Variants in FBXL2 observed in about 807,000 individuals in gnomAD.
FBXL2 encodes F-box/LRR-repeat protein 2.
In FBXL2, 38 loss-of-function variants were observed where a neutral mutation model predicts 69.2. That is an observed-to-expected ratio of 0.55 (90% CI 0.42 to 0.72). The LOEUF is 0.72. FBXL2 is among the 30% of genes least tolerant of loss of function. The pLI, the probability that FBXL2 is intolerant of heterozygous loss-of-function variation, is 0.00. For missense variants in FBXL2, 354 were observed against 520.3 expected (o/e 0.68, Z 3.11); for synonymous variants, 192 against 201.3 (o/e 0.95, Z 0.39).
At chr3:33,348,469 A>G (rs1444332604) in intron 2 of FBXL2, among the ~76,000 whole-genome samples, 1 of 152,174 alleles carries the variant, frequency 6.6e-6, no homozygotes, top group Non-Finnish European at 1.5e-5. Context: ...CTTTTTGCTC[A>G]GGATAGCTTT....
intron 2 of FBXL2, among the ~76,000 whole-genome samples, chr3:33,340,895 C>CCA (rs1491574428): frequency 1.3e-4 from 11 of 86,572 alleles, no homozygotes; most frequent in Admixed American, 6.9e-4. Context: ...TTCCTTTGCC[C>CCA]AAAAAAAAAA....
At chr3:33,361,092 C>T (rs1185193734) in intron 4 of FBXL2, among the ~76,000 whole-genome samples, 14 of 141,820 alleles carry the variant, frequency 9.9e-5, no homozygotes, top group Non-Finnish European at 2.0e-4. Context: ...CCACCACGCC[C>T]GGCTAATTTT....
chr3:33,315,700 T>C (rs535947521), intron 2 of FBXL2, among the ~76,000 whole-genome samples: 102 of 152,302 alleles, frequency 6.7e-4, no homozygotes, highest in African/African-American at 2.2e-3. Context: ...AATTCTGATT[T>C]ACACTGTTCT....
intron 12 of FBXL2, chr3:33,401,123 G>GC: frequency 2.0e-6 from 2 of 997,496 alleles, no homozygotes; most frequent in Non-Finnish European, 2.9e-6. Context: ...TTCAAGTAAG[G>GC]CAACAGTGGG....
At position 33,385,504 on chromosome 3, in the gene FBXL2, C is replaced by T; in HGVS notation, c.1168C>T (p.Gln390Ter). Residue 390 changes from glutamine (Q) to a stop codon, truncating the protein, a stop_gained, in exon 15 of 15, where the codon CAG becomes TAG. Coordinates refer to ENST00000484457, the MANE Select transcript of FBXL2 (RefSeq NM_012157.5). LOFTEE classifies it high-confidence loss of function. ...ACTTTTTTCTTCATCCTTCCAGGCT[C>T]AGCTCCCTCATGTCAAAGTCCACGC... Reference protein sequence around the residue: ...TRAGIKRMRAQLPHVKVHAYF... With the variant: ...TRAGIKRMRA 1 of 1,613,914 alleles carries T rather than the reference C, an allele frequency of 6.2e-7. No individual in the cohort carries two copies. The highest frequency in any genetic ancestry group is 8.5e-7 in the Non-Finnish European group (1 of 1,179,832).
intron 2 of FBXL2, among the ~76,000 whole-genome samples, chr3:33,326,731 A>G (rs1575204920): frequency 6.6e-6 from 1 of 152,264 alleles, no homozygotes; most frequent in East Asian, 1.9e-4. Context: ...ATTATCTTCC[A>G]TATCCAAACT....
At chr3:33,415,399 G>A in the FBXL2 span, among the ~76,000 whole-genome samples, 1 of 152,152 alleles carries the variant, frequency 6.6e-6, no homozygotes, top group Non-Finnish European at 1.5e-5. Flanking sequence ...TTACAAATTA[G>A]TAAATTCTAT....
At chr3:33,278,009 G>A (rs566793667) in intron 1 of FBXL2, among the ~76,000 whole-genome samples, 5 of 152,058 alleles carry the variant, frequency 3.3e-5, no homozygotes, top group African/African-American at 1.2e-4. Context: ...TTTTTAGCAC[G>A]TGGAAATTAA....
At chr3:33,292,732 T>TA (rs535296874) in intron 1 of FBXL2, among the ~76,000 whole-genome samples, 124 of 147,432 alleles carry the variant, frequency 8.4e-4, no homozygotes, top group South Asian at 1.3e-3. Flanking sequence ...GCAGAATGGA[T>TA]AAAAAAAAAA....
intron 2 of FBXL2, among the ~76,000 whole-genome samples, chr3:33,326,236 C>T (rs995995551): frequency 1.3e-5 from 2 of 152,148 alleles, no homozygotes; most frequent in African/African-American, 2.4e-5. Context: ...TGCAGTGGCT[C>T]ACGCCTGTAA....
intron 1 of FBXL2, among the ~76,000 whole-genome samples, chr3:33,281,290 C>A (rs543352837): frequency 6.6e-6 from 1 of 151,870 alleles, no homozygotes; most frequent in Non-Finnish European, 1.5e-5. Context: ...TGAGAACATG[C>A]GGTGTTTGGT....
intron 1 of FBXL2, among the ~76,000 whole-genome samples, chr3:33,294,530 GTAAATGCTTAC>G (rs1438694820): frequency 6.6e-6 from 1 of 152,112 alleles, no homozygotes; most frequent in African/African-American, 2.4e-5. Context: ...CTTTATAAAT[GTAAATGCTTAC>G]ATTAAAAAGA....
chr3:33,374,360 A>G (rs1383691573), intron 9 of FBXL2, among the ~76,000 whole-genome samples: 1 of 152,246 alleles, frequency 6.6e-6, no homozygotes, highest in Non-Finnish European at 1.5e-5. Flanking sequence ...CATAGGCAAG[A>G]GCAAGGTGGC....
intron 2 of FBXL2, among the ~76,000 whole-genome samples, chr3:33,306,646 A>G (rs1157358553): frequency 1.3e-5 from 2 of 152,092 alleles, no homozygotes; most frequent in Non-Finnish European, 1.5e-5. Context: ...CACAGTCTGG[A>G]TGCTTATTGT....
intron 12 of FBXL2, 115 bp downstream of exon 12, chr3:33,378,262 C>T (rs2042775809): frequency 1.8e-6 from 2 of 1,091,940 alleles, no homozygotes. Context: ...TGATCAACCT[C>T]AGTGGCAGGG....
chr3:33,393,585 G>T, intron 12 of FBXL2: 1 of 777,516 alleles, frequency 1.3e-6, no homozygotes, highest in South Asian at 3.4e-5. Flanking sequence ...ATTTTAAATG[G>T]GAATAAACTA....
At chr3:33,380,343 G>A (rs1308811562) in intron 13 of FBXL2, among the ~76,000 whole-genome samples, 3 of 152,006 alleles carry the variant, frequency 2.0e-5, no homozygotes, top group South Asian at 4.2e-4. Flanking sequence ...GATTGCCTGA[G>A]GTTGGGAGTT....
At chr3:33,385,340 C>T (rs954283464) in intron 14 of FBXL2, among the ~76,000 whole-genome samples, 161 bp from the exon 15 acceptor site, 1 of 152,008 alleles carries the variant, frequency 6.6e-6, no homozygotes, top group South Asian at 2.1e-4. Context: ...GGGGGGCAGA[C>T]GGTGCGGGGA....
the FBXL2 span, chr3:33,412,725 A>T: frequency 6.2e-7 from 1 of 1,605,464 alleles, no homozygotes; most frequent in Non-Finnish European, 8.5e-7. Context: ...CCTGTACCTA[A>T]ATCAAGAAGT....
Sources: allele counts gnomAD v4.1 joint callset (sites outside exome capture counted in the v4.1 genomes callset), GRCh38; gene constraint gnomAD v4.1.1; transcripts MANE v1.5; gene names NCBI Gene and HGNC (gene_info 2026-07-23, HGNC 2026-07-21).